Variants in STBD1 observed in about 807,000 individuals in gnomAD.
STBD1 encodes starch-binding domain-containing protein 1.
In STBD1, 13 loss-of-function variants were observed where a neutral mutation model predicts 10.5. That is an observed-to-expected ratio of 1.24 (90% confidence interval 0.81 to 1.97). The LOEUF (loss-of-function observed/expected upper bound fraction) is 1.97. Ranked by LOEUF, STBD1 falls within the 30% of genes most tolerant of loss-of-function variation. The pLI, the probability that STBD1 is intolerant of heterozygous loss-of-function variation, is 0.00. For synonymous variants in STBD1, 146 were observed against 160.2 expected (o/e 0.91, Z 0.67); for missense variants, 427 against 435.6 (o/e 0.98, Z 0.17).
chr4:76,309,485 A>C lies in STBD1; in HGVS notation c.562A>C (p.Ser188Arg). The C allele has an allele frequency of 6.2e-7, 1 of 1,614,232 alleles. No individual in the cohort carries two copies. The highest frequency in any genetic ancestry group is 8.5e-7 in the Non-Finnish European group (1 of 1,180,036). The part of the protein sequence containing the change: ...LLKNRAKEEM[S>R]LSDLNSQDRV... ...CAAGAACAGAGCTAAAGAAGAAATG[A>C]GCCTCTCTGATTTGAACAGTCAGGA... is the stretch of plus-strand genomic sequence containing the variant. Residue 188 changes from serine (S) to arginine (R), a missense_variant, in exon 2 of 2, where the codon AGC becomes CGC. Physicochemically the swap from Ser to Arg is moderately radical, Grantham distance 110. Coordinates refer to ENST00000237642, the MANE Select transcript of STBD1 (RefSeq NM_003943.5).
At position 76,306,906 on chromosome 4, in the gene STBD1, G is replaced by A. The variant is rs151238403; in HGVS notation, c.137G>A (p.Gly46Glu). The change falls in exon 1 of 2, where the codon GGA (glycine) becomes GAA (glutamate). Residue 46 changes from glycine (G) to glutamate (E), a missense_variant. By Grantham distance (98) the Gly-to-Glu change is moderately conservative. Coordinates refer to ENST00000237642, the MANE Select transcript of STBD1 (RefSeq NM_003943.5). ...AEQEKDAPLG[G>E]AAIPGGHQSG... The stretch of plus-strand genomic sequence containing the variant: ...CAGGAGAAAGACGCCCCTCTTGGGG[G>A]AGCTGCGATTCCGGGAGGCCATCAG... 5.6e-4 allele frequency: 910 copies of A among 1,612,764 alleles called. 6 individuals carry two copies. The African/African-American group carries it at 0.01, about 18-fold the overall frequency.
rs1718905146 is a variant in STBD1 at position 76,310,202 on chromosome 4, A to G, written c.*202A>G. 20 of 605,734 alleles carry G rather than the reference A, an allele frequency of 3.3e-5. No individual in the cohort carries two copies. The South Asian group carries it at 4.3e-4, about 13-fold the overall frequency. The allele number at this position is 605,734 out of a possible 1,614,324, so 37.5% of individuals were successfully genotyped here. On this transcript the variant is annotated 3_prime_UTR_variant, in exon 2 of 2. Transcript: ENST00000237642. ...TATATGTGTGTATGTGTGTATATAT[A>G]TGCACACACACACAGATAATGCTTC...
Position 76,309,705 on chromosome 4 carries a change from C to T in STBD1, c.782C>T (p.Ser261Phe), listed in dbSNP as rs770222375. ...AGGGTAGCAGTGATGCCTGCAGGGT[C>T]TCAGCAAGTTAGTGTCAGGTTCCAG... Reference protein sequence around the residue: ...MERVAVMPAGSQQVSVRFQVH... With the variant: ...MERVAVMPAGFQQVSVRFQVH... The change falls in exon 2 of 2, where the codon TCT becomes TTT. Residue 261 changes from serine to phenylalanine, a missense_variant. Physicochemically the swap from Ser to Phe is radical, Grantham distance 155. Transcript: ENST00000237642. 6.2e-7 allele frequency: 1 copy of T among 1,614,254 alleles called. No homozygotes were observed. Among genetic ancestry groups the T allele is most frequent in the East Asian group, 2.2e-5 (1 of 44,890 alleles).
rs374602836 is a variant in STBD1, at chr4:76,309,508, G to C, written c.585G>C (p.Gln195His). The C allele has an allele frequency of 6.2e-7, 1 of 1,614,144 alleles. No individual in the cohort carries two copies. The highest frequency in any genetic ancestry group is 8.5e-7 in the Non-Finnish European group (1 of 1,180,052). The change falls in exon 2 of 2, where the codon CAG becomes CAC. Residue 195 changes from glutamine to histidine, a missense_variant. Gln to His is a conservative substitution (Grantham distance 24). Coordinates refer to ENST00000237642, the MANE Select transcript of STBD1 (RefSeq NM_003943.5). Reference sequence around the variant, plus strand: ...TGAGCCTCTCTGATTTGAACAGTCAGGACCGGGTTGACCACGAGGAGTGGG... The same window carrying C: ...TGAGCCTCTCTGATTTGAACAGTCACGACCGGGTTGACCACGAGGAGTGGG... ...EEMSLSDLNS[Q>H]DRVDHEEWEM...
chr4:76,310,067 T>C lies in STBD1; in HGVS notation c.*67T>C. 2 of 1,522,880 alleles carry C rather than the reference T, an allele frequency of 1.3e-6. No homozygotes were observed. Among genetic ancestry groups the C allele is most frequent in the Non-Finnish European group, 1.8e-6 (2 of 1,141,970 alleles). 94.3% of individuals were successfully genotyped at this position (1,522,880 alleles called of 1,614,324 possible). On this transcript the variant is annotated 3_prime_UTR_variant, in exon 2 of 2. Coordinates refer to ENST00000237642, the MANE Select transcript of STBD1 (RefSeq NM_003943.5). The stretch of plus-strand genomic sequence containing the variant: ...AAGAGGCTGAGGTTGTGGAACACAC[T>C]GAATAAAATAAAGGCAGTGTGACTC...
chr4:76,307,996 ATAAT>A (rs1453025032), intron 1 of STBD1, among the ~76,000 whole-genome samples: 4 of 152,290 alleles, frequency 2.6e-5, no homozygotes, highest in Non-Finnish European at 4.4e-5. Context: ...GGAATCCAGA[ATAAT>A]ATTTGTTCAT....
Position 76,309,242 on chromosome 4 carries a change from G to T in STBD1, c.319G>T (p.Val107Phe), listed in dbSNP as rs1718870511. Residue 107 changes from valine (V) to phenylalanine (F), a missense_variant, in exon 2 of 2, where the codon GTC (valine) becomes TTC (phenylalanine). Physicochemically the swap from Val to Phe is conservative, Grantham distance 50. Transcript: ENST00000237642. ...GAGATTGCAGAATCCTTCCAGGGAA[G>T]TCTGTGACAATTCAAGAGAACATGT... Reference protein sequence around the residue: ...SWRLQNPSREVCDNSREHVPS... With the variant: ...SWRLQNPSREFCDNSREHVPS... The T allele has an allele frequency of 6.2e-7, 1 of 1,614,158 alleles. No homozygotes were observed. Among genetic ancestry groups the T allele is most frequent in the Non-Finnish European group, 8.5e-7 (1 of 1,180,036 alleles).
At position 76,306,853 on chromosome 4, in the gene STBD1, C is replaced by A. The variant is rs1053464; in HGVS notation, c.84C>A (p.Gly28=). ...LFVWLLRGGP[G]DTGKDGDAEQ... is the part of the protein sequence containing the mutation. Reference sequence around the variant, plus strand: ...TTTGGCTGCTGCGGGGCGGCCCTGGCGACACCGGGAAGGACGGGGATGCGG... The same window carrying A: ...TTTGGCTGCTGCGGGGCGGCCCTGGAGACACCGGGAAGGACGGGGATGCGG... Residue 28 remains glycine (G), a synonymous_variant, in exon 1 of 2, where the codon GGC becomes GGA. Transcript: ENST00000237642. The A allele has an allele frequency of 5.0e-3, 7,995 of 1,610,928 alleles. 312 individuals are homozygous for A. In the African/African-American group the frequency reaches 0.091, roughly 18 times the overall value.
At position 76,309,237 on chromosome 4, in the gene STBD1, G is replaced by T. The variant is rs753359989; in HGVS notation, c.314G>T (p.Arg105Met). ...TCATGGAGATTGCAGAATCCTTCCA[G>T]GGAAGTCTGTGACAATTCAAGAGAA... ...AASWRLQNPS[R>M]EVCDNSREHV... is the part of the protein sequence containing the mutation. Residue 105 changes from arginine to methionine, a missense_variant, in exon 2 of 2, where the codon AGG becomes ATG. Arg to Met is a moderately conservative substitution (Grantham distance 91, BLOSUM62 -1). Transcript: ENST00000237642. 1 of 1,614,124 alleles carries T rather than the reference G, an allele frequency of 6.2e-7. No individual in the cohort carries two copies. The highest frequency in any genetic ancestry group is 1.7e-5 in the Admixed American group (1 of 60,016).
intron 1 of STBD1, 73 bp from the exon 2 acceptor site, chr4:76,309,071 T>C: frequency 2.0e-6 from 3 of 1,511,524 alleles, no homozygotes; most frequent in Non-Finnish European, 2.6e-6. Context: ...AGTAACTAAA[T>C]CTATTTTCTC....
At position 76,309,834 on chromosome 4, in the gene STBD1, A is replaced by G. The variant is rs1718893075; in HGVS notation, c.911A>G (p.Asp304Gly). The change falls in exon 2 of 2, where the codon GAT becomes GGT. Residue 304 changes from aspartate to glycine, a missense_variant. Coordinates refer to ENST00000237642, the MANE Select transcript of STBD1 (RefSeq NM_003943.5). ...NTYIPLHYNK[D>G]GFWSHSIFLP... The stretch of plus-strand genomic sequence containing the variant: ...TACATCCCACTCCACTATAACAAGG[A>G]TGGGTTCTGGTCTCATTCCATTTTC... The G allele has an allele frequency of 1.2e-6, 2 of 1,614,168 alleles. No homozygotes were observed. Among genetic ancestry groups the G allele is most frequent in the Non-Finnish European group, 1.7e-6 (2 of 1,180,028 alleles).
Position 76,310,049 on chromosome 4 carries a change from T to G in STBD1, c.*49T>G. On this transcript the variant is annotated 3_prime_UTR_variant, in exon 2 of 2. Transcript: ENST00000237642. The stretch of plus-strand genomic sequence containing the variant: ...AGCTGTAGAACAATGTGGAAGAGGC[T>G]GAGGTTGTGGAACACACTGAATAAA... 6.4e-7 allele frequency: 1 copy of G among 1,559,554 alleles called. No homozygotes were observed. The highest frequency in any genetic ancestry group is 8.6e-7 in the Non-Finnish European group (1 of 1,156,688).
At chr4:76,308,183 C>G (rs1209989662) in intron 1 of STBD1, among the ~76,000 whole-genome samples, 1 of 150,226 alleles carries the variant, frequency 6.7e-6, no homozygotes, top group African/African-American at 2.5e-5. Flanking sequence ...GCAGGAGAAT[C>G]GCTTGAACCC....
chr4:76,306,870 G>C lies in STBD1; in HGVS notation c.101G>C (p.Gly34Ala), dbSNP rs1195996527. Reference protein sequence around the residue: ...RGGPGDTGKDGDAEQEKDAPL... With the variant: ...RGGPGDTGKDADAEQEKDAPL... ...GGCCCTGGCGACACCGGGAAGGACG[G>C]GGATGCGGAGCAGGAGAAAGACGCC... The change falls in exon 1 of 2, where the codon GGG becomes GCG. Residue 34 changes from glycine (G) to alanine (A), a missense_variant. By Grantham distance (60) the Gly-to-Ala change is moderately conservative. Coordinates refer to ENST00000237642, the MANE Select transcript of STBD1 (RefSeq NM_003943.5). 11 of 1,611,922 alleles carry C rather than the reference G, an allele frequency of 6.8e-6. No homozygotes were observed. The highest frequency in any genetic ancestry group is 9.3e-6 in the Non-Finnish European group (11 of 1,179,206).
intron 1 of STBD1, 82 bp from the exon 2 acceptor site, chr4:76,309,062 G>A: frequency 6.6e-7 from 1 of 1,507,486 alleles, no homozygotes; most frequent in Non-Finnish European, 8.8e-7. Context: ...AAAGCTTTCA[G>A]TAACTAAATC....
chr4:76,308,075 C>A (rs1176201075), intron 1 of STBD1, among the ~76,000 whole-genome samples: 3 of 152,086 alleles, frequency 2.0e-5, no homozygotes, highest in Admixed American at 2.0e-4. Flanking sequence ...TCGAGACCAG[C>A]CTGGCCAATA....
Position 76,309,220 on chromosome 4 carries a change from A to T in STBD1, c.297A>T (p.Arg99Ser), listed in dbSNP as rs149944592. 2.5e-6 allele frequency: 4 copies of T among 1,613,822 alleles called. No homozygotes were observed. The highest frequency in any genetic ancestry group is 1.3e-5 in the African/African-American group (1 of 74,914). ...DLGKLQAASW[R>S]LQNPSREVCD... ...GTAAACTGCAAGCAGCATCATGGAG[A>T]TTGCAGAATCCTTCCAGGGAAGTCT... is the stretch of plus-strand genomic sequence containing the variant. The change falls in exon 2 of 2, where the codon AGA (arginine) becomes AGT (serine). Residue 99 changes from arginine (R) to serine (S), a missense_variant. Physicochemically the swap from Arg to Ser is moderately radical, Grantham distance 110. Coordinates refer to ENST00000237642, the MANE Select transcript of STBD1 (RefSeq NM_003943.5).
intron 1 of STBD1, among the ~76,000 whole-genome samples, 154 bp downstream of exon 1, chr4:76,307,143 C>T (rs1269757559): frequency 1.3e-5 from 2 of 152,206 alleles, no homozygotes; most frequent in African/African-American, 4.8e-5. Flanking sequence ...CCACGCCCCT[C>T]GGTTTCCCAG....
At chr4:76,307,749 C>T (rs1718820202) in intron 1 of STBD1, among the ~76,000 whole-genome samples, 1 of 152,148 alleles carries the variant, frequency 6.6e-6, no homozygotes, top group Non-Finnish European at 1.5e-5. Flanking sequence ...AAGCAGAGAG[C>T]GAACACTGGC....
Sources: gnomAD v4.1 joint callset for allele counts (sites outside exome capture counted in the v4.1 genomes callset) on GRCh38, gnomAD v4.1.1 for gene constraint, MANE v1.5 for transcripts, NCBI Gene and HGNC (gene_info 2026-07-23, HGNC 2026-07-21) for gene names.